LRP2: variants seen among roughly 807,000 people sequenced by gnomAD.
LRP2 encodes the protein LDL receptor related protein 2, also known as low-density lipoprotein receptor-related protein 2.
LRP2 carries 172 observed loss-of-function variants against 531.0 expected under a neutral mutation model. The ratio of observed to expected loss-of-function variants is 0.32; its 90% CI spans 0.29 to 0.37. The LOEUF is 0.37. Ranked by LOEUF, LRP2 falls within the 10% of genes least tolerant of loss-of-function variation. LRP2 has a pLI of 1.00. For synonymous variants in LRP2, 1,992 were observed against 2,027.6 expected (o/e 0.98, Z 0.47); for missense variants, 5,167 against 5,868.3 (o/e 0.88, Z 3.90).
chr2:169,168,505 C>T (rs1429778804), intron 61 of LRP2, 34 bp downstream of exon 61: 2 of 1,613,480 alleles, frequency 1.2e-6, no homozygotes, highest in Non-Finnish European at 1.7e-6. Flanking sequence ...ACAGACAACA[C>T]CACTCCCATT....
chr2:169,266,156 A>G (rs1390073624), intron 16 of LRP2, among the ~76,000 whole-genome samples: 1 of 152,064 alleles, frequency 6.6e-6, no homozygotes, highest in African/African-American at 2.4e-5. Context: ...ACCAAAAATT[A>G]TAATCTAGCT....
chr2:169,358,039 A>G (rs1686038749), intron 1 of LRP2, among the ~76,000 whole-genome samples: 1 of 152,222 alleles, frequency 6.6e-6, no homozygotes, highest in Non-Finnish European at 1.5e-5. Flanking sequence ...CGCATGGTAC[A>G]TGGTTGTAAT....
intron 14 of LRP2, among the ~76,000 whole-genome samples, chr2:169,274,740 G>A (rs758412070): frequency 2.6e-5 from 4 of 152,036 alleles, no homozygotes; most frequent in Non-Finnish European, 4.4e-5. Context: ...ATTTTGGTTT[G>A]GTTTGTGAGC....
chr2:169,132,704 T>G, intron 76 of LRP2, 23 bp from the exon 77 acceptor site: 114 of 1,071,036 alleles, frequency 1.1e-4, no homozygotes, highest in Non-Finnish European at 1.5e-4. Context: ...TAAAGGCCTT[T>G]ACCCAATTTT....
chr2:169,154,630 T>G (rs753651507), intron 65 of LRP2, 27 bp from the exon 66 acceptor site: 1 of 1,609,902 alleles, frequency 6.2e-7, no homozygotes, highest in Non-Finnish European at 8.5e-7. Context: ...GGCTACTTTA[T>G]CTGTTTGAAT....
intron 46 of LRP2, among the ~76,000 whole-genome samples, chr2:169,196,152 T>C (rs545967373): frequency 1.3e-5 from 2 of 152,266 alleles, no homozygotes; most frequent in East Asian, 3.9e-4. Context: ...ATGGTCTCTG[T>C]TGCACCTACA....
At chr2:169,326,189 C>A (rs1685051419) in intron 1 of LRP2, among the ~76,000 whole-genome samples, 1 of 67,392 alleles carries the variant, frequency 1.5e-5, no homozygotes, top group Admixed American at 1.2e-4. Context: ...TCCCCTCTCC[C>A]CTCTCCCCTC....
chr2:169,247,370 T>A lies in LRP2; in HGVS notation c.2908+8A>T, dbSNP rs767207407. The A allele has an allele frequency of 2.5e-6, 4 of 1,614,032 alleles. No homozygotes were observed. The highest frequency in any genetic ancestry group is 3.4e-6 in the Non-Finnish European group (4 of 1,180,006). On this transcript the variant is annotated splice_region_variant and intron_variant, in intron 20 of 78. Coordinates refer to ENST00000649046, the MANE Select transcript of LRP2 (RefSeq NM_004525.3). ...AAAAAATAAAAAAAACTGGGCAATC[T>A]CACTCACCAGTCTGGATGTTGACAT...
chr2:169,245,961 C>A (rs1212663754), intron 21 of LRP2, among the ~76,000 whole-genome samples: 1 of 152,134 alleles, frequency 6.6e-6, no homozygotes, highest in Non-Finnish European at 1.5e-5. Flanking sequence ...GCCTCAACCT[C>A]CCCAGCTCAA....
chr2:169,348,845 G>A (rs368096175), intron 1 of LRP2, among the ~76,000 whole-genome samples: 1 of 152,094 alleles, frequency 6.6e-6, no homozygotes, highest in African/African-American at 2.4e-5. Context: ...GAGTCAGATC[G>A]AGAGAAACAG....
At chr2:169,341,775 T>C (rs1371907214) in intron 1 of LRP2, among the ~76,000 whole-genome samples, 1 of 151,902 alleles carries the variant, frequency 6.6e-6, no homozygotes, top group Non-Finnish European at 1.5e-5. Flanking sequence ...AGTAATGGTA[T>C]CTACCTCCCT....
intron 63 of LRP2, among the ~76,000 whole-genome samples, chr2:169,158,316 C>A (rs1418439862): frequency 6.6e-6 from 1 of 151,182 alleles, no homozygotes; most frequent in Admixed American, 6.6e-5. Flanking sequence ...GTATAATTTA[C>A]GTTTAAGGAT....
intron 54 of LRP2, 151 bp from the exon 55 acceptor site, chr2:169,175,540 T>A: frequency 1.4e-6 from 1 of 712,886 alleles, no homozygotes; most frequent in South Asian, 1.7e-5. Flanking sequence ...GTTACAATGG[T>A]GTATTTTCAG....
intron 31 of LRP2, among the ~76,000 whole-genome samples, chr2:169,230,120 T>C (rs1689347944): frequency 6.6e-6 from 1 of 152,200 alleles, no homozygotes; most frequent in Admixed American, 6.5e-5. Context: ...CTATTTAAAA[T>C]TAACACTTAT....
At chr2:169,321,643 A>G (rs193201767) in intron 1 of LRP2, among the ~76,000 whole-genome samples, 1 of 152,292 alleles carries the variant, frequency 6.6e-6, no homozygotes, top group East Asian at 1.9e-4. Flanking sequence ...TCTTAGATTC[A>G]GACTAATATT....
At chr2:169,290,746 G>T (rs1683977920) in intron 8 of LRP2, 99 bp downstream of exon 8, 2 of 1,303,310 alleles carry the variant, frequency 1.5e-6, no homozygotes, top group Non-Finnish European at 2.2e-6. Context: ...GGGGTGCTTT[G>T]TTATGCAAAT....
In LRP2 at chr2:169,169,823, A is replaced by C. The variant is rs142332578; in HGVS notation, c.11381-5T>G. 1 of 1,591,192 alleles carries C rather than the reference A, an allele frequency of 6.3e-7. No individual in the cohort carries two copies. The highest frequency in any genetic ancestry group is 8.6e-7 in the Non-Finnish European group (1 of 1,159,118). ...CAGGATGGCAGGTCCTCATCTCTGA[A>C]GAGAAAAGATTGTCATTCCGAGAAG... On this transcript the variant is annotated splice_polypyrimidine_tract_variant and splice_region_variant and intron_variant, in intron 59 of 78. Transcript: ENST00000649046.
intron 10 of LRP2, 106 bp from the exon 11 acceptor site, chr2:169,280,625 T>C: frequency 8.9e-7 from 1 of 1,118,438 alleles, no homozygotes; most frequent in Non-Finnish European, 1.3e-6. Flanking sequence ...ATCTTCTAGG[T>C]TGTCTTACCT....
intron 1 of LRP2, among the ~76,000 whole-genome samples, chr2:169,327,993 C>T (rs1685151424): frequency 7.7e-6 from 1 of 130,200 alleles, no homozygotes; most frequent in Non-Finnish European, 1.7e-5. Context: ...GGGGGGTTAG[C>T]CCCACGTCCG....
Sources: gnomAD v4.1 joint callset for allele counts (sites outside exome capture counted in the v4.1 genomes callset) on GRCh38, gnomAD v4.1.1 for gene constraint, MANE v1.5 for transcripts, NCBI Gene and HGNC (gene_info 2026-07-23, HGNC 2026-07-21) for gene names.